ATP8A2: variants seen among roughly 807,000 people sequenced by gnomAD.
ATP8A2 encodes phospholipid-transporting ATPase IB.
Under a neutral mutation model 165.6 loss-of-function variants are expected in ATP8A2, and 100 were observed. The ratio of observed to expected loss-of-function variants is 0.60; its 90% CI spans 0.51 to 0.71. ATP8A2 has a LOEUF of 0.71. Ranked by LOEUF, ATP8A2 falls within the 30% of genes least tolerant of loss-of-function variation. The probability of loss-of-function intolerance (pLI) is 0.00; values close to 1 mark genes in which losing one functional copy is unlikely to be tolerated. For missense variants in ATP8A2, 1,227 were observed against 1,479.5 expected, an observed-to-expected ratio of 0.83 and a Z score of 2.80; for synonymous variants, 543 against 548.8, an observed-to-expected ratio of 0.99 and a Z score of 0.15.
intron 1 of ATP8A2, among the ~76,000 whole-genome samples, chr13:25,408,099 T>TGA: frequency 1.0e-5 from 1 of 96,184 alleles, no homozygotes; most frequent in African/African-American, 3.6e-5. Context: ...ATATTTGACA[T>TGA]TAAAAAAAAA....
chr13:25,615,750 C>G (rs67847413), intron 24 of ATP8A2, among the ~76,000 whole-genome samples: 18,363 of 152,124 alleles, frequency 0.12, 1,423 homozygotes, highest in Non-Finnish European at 0.18. Flanking sequence ...CTGTGTTTTT[C>G]GCTCAGCTCT....
chr13:25,377,328 A>T lies in ATP8A2; in HGVS notation c.76+5040A>T, dbSNP rs1349073207. ...TGTTAACAACCATTAAGAAGGGCTAAAAATAAAAGTGATCTCACTTCCATG... is the reference window on the plus strand; with the variant it reads ...TGTTAACAACCATTAAGAAGGGCTATAAATAAAAGTGATCTCACTTCCATG... On this transcript the variant is annotated intron_variant, in intron 1 of 36. Coordinates refer to ENST00000381655, the MANE Select transcript of ATP8A2 (RefSeq NM_016529.6). Among the ~76,000 whole-genome samples the T allele has an allele frequency of 2.6e-5, 4 of 152,344 alleles. No individual in the cohort carries two copies. The South Asian group carries it at 6.2e-4, about 24-fold the overall frequency.
intron 26 of ATP8A2, 86 bp from the exon 27 acceptor site, chr13:25,774,763 T>C: frequency 1.3e-6 from 1 of 758,654 alleles, no homozygotes. Context: ...CTACATTATC[T>C]GACTTCTGTT....
chr13:25,828,804 G>A (rs1487382660), intron 28 of ATP8A2, among the ~76,000 whole-genome samples: 2 of 152,118 alleles, frequency 1.3e-5, no homozygotes, highest in Non-Finnish European at 2.9e-5. Flanking sequence ...AATATAAACT[G>A]TAGCTAAAAT....
chr13:25,949,780 T>C (rs1482748213), intron 33 of ATP8A2, among the ~76,000 whole-genome samples: 6 of 152,154 alleles, frequency 3.9e-5, no homozygotes, highest in African/African-American at 1.4e-4. Flanking sequence ...TATGTTGTTG[T>C]TAAAAGTGAA....
At chr13:25,781,940 C>A (rs142924577) in intron 27 of ATP8A2, among the ~76,000 whole-genome samples, 4 of 152,192 alleles carry the variant, frequency 2.6e-5, no homozygotes, top group Non-Finnish European at 4.4e-5. Flanking sequence ...AAATTGGTAT[C>A]TATGTCCTAC....
chr13:25,548,095 A>G (rs551736114), intron 10 of ATP8A2, among the ~76,000 whole-genome samples: 41 of 152,174 alleles, frequency 2.7e-4, no homozygotes, highest in African/African-American at 9.4e-4. Flanking sequence ...GCGTGGTGGT[A>G]TGCACCTGTG....
At chr13:25,891,043 C>A (rs541178847) in intron 33 of ATP8A2, among the ~76,000 whole-genome samples, 40 of 152,292 alleles carry the variant, frequency 2.6e-4, no homozygotes, top group African/African-American at 9.6e-4. Flanking sequence ...ATGAACCTCA[C>A]ATCACCTTAG....
intron 33 of ATP8A2, among the ~76,000 whole-genome samples, chr13:25,908,081 C>T (rs993693151): frequency 6.6e-6 from 1 of 152,154 alleles, no homozygotes; most frequent in Non-Finnish European, 1.5e-5. Flanking sequence ...CCCTAGCAGA[C>T]TATCAAAATT....
rs141964795 is a variant in ATP8A2, at chr13:25,783,852, A to G, written c.2679+8893A>G. The stretch of plus-strand genomic sequence containing the variant: ...TGCGGTTTTATATTTCAGTCGGAAG[A>G]TGGCTGGAGAACTAGTTAAACACGT... On this transcript the variant is annotated intron_variant, in intron 27 of 36. Transcript: ENST00000381655. Among the ~76,000 whole-genome samples the G allele has an allele frequency of 4.8e-3, 736 of 152,302 alleles. 5 individuals carry two copies. The highest frequency in any genetic ancestry group is 0.017 in the African/African-American group (697 of 41,574).
chr13:25,588,831 C>T (rs1223882493), intron 23 of ATP8A2, among the ~76,000 whole-genome samples: 4 of 152,254 alleles, frequency 2.6e-5, no homozygotes, highest in South Asian at 4.1e-4. Context: ...AGTGCCCTGG[C>T]GGACACCTCT....
At chr13:25,710,555 G>A (rs1029375406) in intron 25 of ATP8A2, among the ~76,000 whole-genome samples, 1 of 152,142 alleles carries the variant, frequency 6.6e-6, no homozygotes, top group African/African-American at 2.4e-5. Flanking sequence ...TTATTAGTGT[G>A]GTTGAACAGG....
chr13:25,827,382 G>A (rs905091506), intron 27 of ATP8A2, among the ~76,000 whole-genome samples: 2 of 152,146 alleles, frequency 1.3e-5, no homozygotes, highest in Admixed American at 6.5e-5. Flanking sequence ...AGAGTGCTGG[G>A]ATTACAGGCA....
At chr13:25,883,049 G>GA in intron 33 of ATP8A2, among the ~76,000 whole-genome samples, 1 of 152,160 alleles carries the variant, frequency 6.6e-6, no homozygotes, top group East Asian at 1.9e-4. Context: ...TTCTCTATGA[G>GA]AAACCGAAAC....
intron 24 of ATP8A2, chr13:25,591,308 C>G (rs2040069936): frequency 2.2e-6 from 1 of 456,596 alleles, no homozygotes; most frequent in Non-Finnish European, 4.4e-6. Context: ...CAACTACTCT[C>G]CATTCCCACA....
Position 25,825,211 on chromosome 13 carries a change from C to T in ATP8A2, c.2680-2907C>T, listed in dbSNP as rs1318546392. The stretch of plus-strand genomic sequence containing the variant: ...TCACTCCATAGCCCAGGTTGGAGTG[C>T]AATGGCATGGTCAGAGCTCACTGCT... On this transcript the variant is annotated intron_variant, in intron 27 of 36. Transcript: ENST00000381655. Among the ~76,000 whole-genome samples, 7 of 114,052 alleles carry T rather than the reference C, an allele frequency of 6.1e-5. No individual in the cohort carries two copies. In the Admixed American group the frequency reaches 6.6e-4, roughly 11 times the overall value. The allele number at this position is 114,052 out of a possible 152,430, so 74.8% of individuals were successfully genotyped here. A position where few individuals can be genotyped will look rare whatever the true frequency, so the allele number is the denominator to read the frequency against.
chr13:25,667,190 A>T (rs1203960221), intron 24 of ATP8A2, among the ~76,000 whole-genome samples: 1 of 152,044 alleles, frequency 6.6e-6, no homozygotes. Flanking sequence ...GTCTCTATGG[A>T]TTTACCCACT....
At chr13:25,999,117 C>A (rs1203271079) in intron 35 of ATP8A2, among the ~76,000 whole-genome samples, 1 of 152,154 alleles carries the variant, frequency 6.6e-6, no homozygotes, top group African/African-American at 2.4e-5. Context: ...TCAGTTAATA[C>A]AAAGCACACA....
chr13:25,517,966 G>T (rs572026531), intron 2 of ATP8A2, among the ~76,000 whole-genome samples: 1 of 152,300 alleles, frequency 6.6e-6, no homozygotes, highest in African/African-American at 2.4e-5. Flanking sequence ...GGGAGGGATG[G>T]TGGCAAAGCC....
Sources: allele counts gnomAD v4.1 joint callset (sites outside exome capture counted in the v4.1 genomes callset), GRCh38; gene constraint gnomAD v4.1.1; transcripts MANE v1.5; gene names NCBI Gene and HGNC (gene_info 2026-07-23, HGNC 2026-07-21).